Variants in ZNF385B observed in about 807,000 individuals in gnomAD.
The protein encoded by ZNF385B is zinc finger protein 385B.
In ZNF385B, 23 loss-of-function variants were observed where a neutral mutation model predicts 39.2. The ratio of observed to expected loss-of-function variants is 0.59; its 90% confidence interval spans 0.42 to 0.83. ZNF385B has a LOEUF of 0.83. Ranked by LOEUF, ZNF385B falls within the 40% of genes least tolerant of loss-of-function variation. The probability of loss-of-function intolerance (pLI) is 0.00; values close to 1 mark genes in which losing one functional copy is unlikely to be tolerated. For missense variants in ZNF385B, 552 were observed against 598.9 expected (o/e 0.92, Z 0.82); for synonymous variants, 205 against 222.6 (o/e 0.92, Z 0.70).
chr2:179,445,437 C>T (rs2049374434), intron 8 of ZNF385B, 113 bp downstream of exon 8: 5 of 1,009,972 alleles, frequency 5.0e-6, no homozygotes, highest in Middle Eastern at 2.4e-4. Flanking sequence ...CTGCATCCTA[C>T]AAAAGTTAGT....
rs367571052 is a variant in ZNF385B, at chr2:179,444,986, G to A, written c.1141-9C>T. 2.5e-6 allele frequency: 4 copies of A among 1,611,396 alleles called. No homozygotes were observed. Among genetic ancestry groups the A allele is most frequent in the Non-Finnish European group, 3.4e-6 (4 of 1,177,536 alleles). On this transcript the variant is annotated splice_polypyrimidine_tract_variant and intron_variant, in intron 8 of 9. Coordinates refer to ENST00000410066, the MANE Select transcript of ZNF385B (RefSeq NM_152520.6). ...CTTCGGCTAGAAATGTGCTGAAAAA[G>A]TTTGATGCATTAGCTGGACTGAAAT...
chr2:179,815,566 C>G (rs1016575393), intron 1 of ZNF385B, among the ~76,000 whole-genome samples: 1 of 152,204 alleles, frequency 6.6e-6, no homozygotes, highest in African/African-American at 2.4e-5. Flanking sequence ...AATACAGTTA[C>G]TATCTTCTTT....
intron 1 of ZNF385B, among the ~76,000 whole-genome samples, chr2:179,818,955 T>C (rs1008852639): frequency 2.0e-5 from 3 of 152,134 alleles, no homozygotes; most frequent in Non-Finnish European, 4.4e-5. Context: ...GCTTTCTTTT[T>C]GGAATTCGGC....
At chr2:179,637,706 C>A (rs1691886281) in intron 3 of ZNF385B, among the ~76,000 whole-genome samples, 1 of 133,000 alleles carries the variant, frequency 7.5e-6, no homozygotes, top group South Asian at 2.6e-4. Flanking sequence ...CTGGTTGCAA[C>A]TAGCAAATGT....
At chr2:179,480,550 G>A (rs561282314) in intron 6 of ZNF385B, among the ~76,000 whole-genome samples, 6 of 152,158 alleles carry the variant, frequency 3.9e-5, no homozygotes, top group Non-Finnish European at 5.9e-5. Flanking sequence ...TAGGTATTAC[G>A]TTGTTTGGAC....
intron 3 of ZNF385B, among the ~76,000 whole-genome samples, chr2:179,692,877 C>T (rs1429178512): frequency 6.6e-6 from 1 of 152,158 alleles, no homozygotes; most frequent in Non-Finnish European, 1.5e-5. Flanking sequence ...CTTGCCTCCT[C>T]CTGCAGCAGG....
intron 3 of ZNF385B, among the ~76,000 whole-genome samples, chr2:179,764,462 T>C (rs1703577170): frequency 6.6e-6 from 1 of 152,168 alleles, no homozygotes; most frequent in Non-Finnish European, 1.5e-5. Context: ...TGTTAGCCTT[T>C]AAGTTTGACA....
At chr2:179,539,543 C>T (rs562212497) in intron 4 of ZNF385B, among the ~76,000 whole-genome samples, 1 of 152,214 alleles carries the variant, frequency 6.6e-6, no homozygotes, top group South Asian at 2.1e-4. Context: ...GAAGTCTCTT[C>T]TTAAGGGGAA....
chr2:179,721,250 T>C (rs1700681830), intron 3 of ZNF385B, among the ~76,000 whole-genome samples: 1 of 152,112 alleles, frequency 6.6e-6, no homozygotes, highest in Non-Finnish European at 1.5e-5. Context: ...TTAAGGGCTA[T>C]AATTAATAAA....
intron 3 of ZNF385B, among the ~76,000 whole-genome samples, chr2:179,622,162 T>G (rs1690272849): frequency 6.6e-6 from 1 of 152,192 alleles, no homozygotes; most frequent in Non-Finnish European, 1.5e-5. Context: ...CTCTGAGCCC[T>G]TATGCAAATT....
At chr2:179,557,477 T>G (rs1487517792) in intron 3 of ZNF385B, among the ~76,000 whole-genome samples, 2 of 150,408 alleles carry the variant, frequency 1.3e-5, no homozygotes, top group African/African-American at 4.9e-5. Context: ...TTTATTTTAT[T>G]ACATATATAA....
chr2:179,757,544 T>C (rs913217006), intron 3 of ZNF385B, among the ~76,000 whole-genome samples: 4 of 152,212 alleles, frequency 2.6e-5, no homozygotes, highest in East Asian at 1.9e-4. Context: ...TGTTTGGCTA[T>C]GCCCTGCCCC....
At chr2:179,487,537 GA>G (rs1369221191) in intron 5 of ZNF385B, among the ~76,000 whole-genome samples, 1 of 152,158 alleles carries the variant, frequency 6.6e-6, no homozygotes, top group Non-Finnish European at 1.5e-5. Context: ...CATTATCTAG[GA>G]ATCTTCTTAA....
chr2:179,828,399 A>ATATT (rs1345494460), intron 1 of ZNF385B, among the ~76,000 whole-genome samples: 3 of 152,232 alleles, frequency 2.0e-5, no homozygotes, highest in African/African-American at 7.2e-5. Context: ...TGAGCCCACC[A>ATATT]TATTACACAC....
intron 3 of ZNF385B, among the ~76,000 whole-genome samples, chr2:179,557,613 ATGT>A: frequency 9.0e-6 from 1 of 111,546 alleles, no homozygotes; most frequent in Non-Finnish European, 1.8e-5. Context: ...TTATATATGT[ATGT>A]TATATACATG....
intron 3 of ZNF385B, among the ~76,000 whole-genome samples, chr2:179,570,907 C>A (rs1685135055): frequency 6.6e-6 from 1 of 152,116 alleles, no homozygotes; most frequent in Non-Finnish European, 1.5e-5. Flanking sequence ...TGCAGGCAAA[C>A]CGAATATCTT....
chr2:179,715,956 T>C, intron 3 of ZNF385B, among the ~76,000 whole-genome samples: 1 of 152,198 alleles, frequency 6.6e-6, no homozygotes, highest in Middle Eastern at 3.2e-3. Context: ...GTATTTTGTC[T>C]GCTTTTCAAT....
chr2:179,768,109 C>G (rs1017883820), intron 3 of ZNF385B, among the ~76,000 whole-genome samples: 2 of 151,542 alleles, frequency 1.3e-5, no homozygotes. Flanking sequence ...GCCACCACAC[C>G]TGACTAAATT....
At chr2:179,558,998 G>C (rs993025538) in intron 3 of ZNF385B, among the ~76,000 whole-genome samples, 2 of 152,198 alleles carry the variant, frequency 1.3e-5, no homozygotes, top group Non-Finnish European at 2.9e-5. Flanking sequence ...AATGGTGAGG[G>C]ATGATCTGGA....
Sources: gnomAD v4.1 joint callset for allele counts (sites outside exome capture counted in the v4.1 genomes callset) on GRCh38, gnomAD v4.1.1 for gene constraint, MANE v1.5 for transcripts, NCBI Gene and HGNC (gene_info 2026-07-23, HGNC 2026-07-21) for gene names.